TBC1D22A: variants seen among roughly 807,000 people sequenced by gnomAD.
TBC1D22A encodes TBC1 domain family member 22A.
Under a neutral mutation model 60.2 loss-of-function variants are expected in TBC1D22A, and 38 were observed. The ratio of observed to expected loss-of-function variants is 0.63; its 90% CI spans 0.49 to 0.83. The LOEUF is 0.83. TBC1D22A is among the 40% of genes least tolerant of loss of function. The probability of loss-of-function intolerance (pLI) is 0.00; values close to 1 mark genes in which losing one functional copy is unlikely to be tolerated. For missense variants in TBC1D22A, 628 were observed against 701.0 expected (o/e 0.90, Z 1.18); for synonymous variants, 302 against 281.7 (o/e 1.07, Z -0.72).
intron 11 of TBC1D22A, among the ~76,000 whole-genome samples, chr22:47,107,001 C>T (rs1436917208): frequency 6.6e-6 from 1 of 152,096 alleles, no homozygotes; most frequent in African/African-American, 2.4e-5. Context: ...GAGTACATAG[C>T]TAGGGAAGAT....
rs545426305 is a variant in TBC1D22A at position 46,965,306 on chromosome 22, G to T, written c.1016-8984G>T. On this transcript the variant is annotated intron_variant, in intron 8 of 12. Transcript: ENST00000337137. ...GCCATCTGACCTGTGGGGGCGGGGT[G>T]CCCCGCCCATTCTCATTTGTTACGG... Among the ~76,000 whole-genome samples the T allele has an allele frequency of 2.6e-5, 4 of 152,340 alleles. No individual in the cohort carries two copies. In the South Asian group the frequency reaches 8.3e-4, roughly 32 times the overall value.
At chr22:46,796,702 T>TG (rs1284216542) in intron 3 of TBC1D22A, among the ~76,000 whole-genome samples, 2 of 64,400 alleles carry the variant, frequency 3.1e-5, no homozygotes, top group African/African-American at 1.3e-4. Context: ...CTGTCCGTCT[T>TG]GGGGGTCAGT....
At chr22:47,102,695 C>G (rs1366154504) in intron 11 of TBC1D22A, among the ~76,000 whole-genome samples, 2 of 152,170 alleles carry the variant, frequency 1.3e-5, no homozygotes, top group South Asian at 2.1e-4. Flanking sequence ...AAGTTCTGCT[C>G]CCTGGTTGGA....
intron 1 of TBC1D22A, among the ~76,000 whole-genome samples, chr22:46,790,695 G>A (rs2084367760): frequency 6.6e-6 from 1 of 152,128 alleles, no homozygotes; most frequent in Non-Finnish European, 1.5e-5. Flanking sequence ...GAGGCACATA[G>A]CCGACACGGA....
chr22:46,846,673 C>T (rs776917124), intron 4 of TBC1D22A, among the ~76,000 whole-genome samples: 2 of 152,142 alleles, frequency 1.3e-5, no homozygotes, highest in Admixed American at 6.5e-5. Context: ...CCAGATTCGG[C>T]GGGTATCAAG....
intron 10 of TBC1D22A, among the ~76,000 whole-genome samples, chr22:47,033,246 A>G (rs1234405642): frequency 1.3e-5 from 2 of 152,178 alleles, no homozygotes; most frequent in African/African-American, 2.4e-5. Flanking sequence ...GCTTCGTAGA[A>G]CTTTCTATCA....
chr22:46,957,271 A>G (rs113772603), intron 8 of TBC1D22A, among the ~76,000 whole-genome samples: 30 of 152,336 alleles, frequency 2.0e-4, no homozygotes, highest in African/African-American at 6.5e-4. Flanking sequence ...GTCTGTTCCC[A>G]CACTCTGTAA....
chr22:46,843,429 C>T (rs535103175), intron 4 of TBC1D22A, among the ~76,000 whole-genome samples: 11 of 145,208 alleles, frequency 7.6e-5, no homozygotes, highest in Admixed American at 6.7e-5. Flanking sequence ...GATTGAGACT[C>T]GGCTTTATTC....
Position 46,807,800 on chromosome 22 carries a change from G to A in TBC1D22A, c.637+10180G>A, listed in dbSNP as rs138381036. ...TACTTTAATAGGACATGAAGAGTTC[G>A]GTTTTAGAAATTTTATACAGGGCCA... is the stretch of plus-strand genomic sequence containing the variant. On this transcript the variant is annotated intron_variant, in intron 4 of 12. Transcript: ENST00000337137. 5.3e-3 allele frequency among the ~76,000 whole-genome samples: 806 copies of A among 152,112 alleles called. 27 individuals are homozygous for A. Among genetic ancestry groups the A allele is most frequent in the East Asian group, 5.8e-3 (30 of 5,170 alleles).
chr22:46,944,897 A>G (rs558896348), intron 8 of TBC1D22A, among the ~76,000 whole-genome samples: 1 of 152,378 alleles, frequency 6.6e-6, no homozygotes, highest in African/African-American at 2.4e-5. Flanking sequence ...TTTAATTCAC[A>G]AAAGCTGAAA....
chr22:46,921,468 T>G (rs975624109), intron 8 of TBC1D22A, among the ~76,000 whole-genome samples: 2 of 152,236 alleles, frequency 1.3e-5, no homozygotes, highest in Non-Finnish European at 1.5e-5. Flanking sequence ...ATGTACCACA[T>G]TTTCTTTATC....
intron 8 of TBC1D22A, chr22:46,913,360 A>T: frequency 7.3e-7 from 1 of 1,366,540 alleles, no homozygotes; most frequent in Non-Finnish European, 9.8e-7. Context: ...TCGGCCTCAG[A>T]TTCCCATCCT....
chr22:46,828,511 C>T (rs1382843754), intron 4 of TBC1D22A, among the ~76,000 whole-genome samples: 1 of 152,268 alleles, frequency 6.6e-6, no homozygotes, highest in African/African-American at 2.4e-5. Context: ...CTCCCTGTCT[C>T]TGGCCTGGGC....
intron 10 of TBC1D22A, among the ~76,000 whole-genome samples, chr22:47,019,527 A>G (rs1486782167): frequency 6.6e-6 from 1 of 151,928 alleles, no homozygotes; most frequent in Non-Finnish European, 1.5e-5. Context: ...TGAGTCTCGT[A>G]TAGGTGTTTG....
chr22:46,934,835 C>G (rs1210747135), intron 8 of TBC1D22A, among the ~76,000 whole-genome samples: 1 of 152,222 alleles, frequency 6.6e-6, no homozygotes, highest in East Asian at 1.9e-4. Context: ...TCTGCCCACC[C>G]TTCGCCTGTC....
intron 12 of TBC1D22A, among the ~76,000 whole-genome samples, chr22:47,159,121 C>A (rs1051703840): frequency 6.6e-6 from 1 of 150,600 alleles, no homozygotes; most frequent in Non-Finnish European, 1.5e-5. Flanking sequence ...CATATATACA[C>A]ACACACACCA....
intron 4 of TBC1D22A, among the ~76,000 whole-genome samples, chr22:46,830,260 G>A (rs527252417): frequency 6.6e-6 from 1 of 152,198 alleles, no homozygotes; most frequent in Non-Finnish European, 1.5e-5. Flanking sequence ...TGGTTGCCAG[G>A]CCTGAGAGTG....
At chr22:47,061,325 C>T (rs2063569099) in intron 11 of TBC1D22A, among the ~76,000 whole-genome samples, 2 of 152,256 alleles carry the variant, frequency 1.3e-5, no homozygotes, top group African/African-American at 2.4e-5. Context: ...GGCTTGCTCT[C>T]CCAGAGATGC....
rs1569199421 is a variant in TBC1D22A at position 46,904,128 on chromosome 22, TA to T, written c.901-7945del. On this transcript the variant is annotated intron_variant, in intron 7 of 12. Coordinates refer to ENST00000337137, the MANE Select transcript of TBC1D22A (RefSeq NM_014346.5). ...CTATCTATCTATCTATCTATCTATC[TA>T]TCTATCTATCTATCTACCTACCTAC... Among the ~76,000 whole-genome samples the T allele has an allele frequency of 2.3e-4, 24 of 103,002 alleles. 1 individual carries two copies. Among genetic ancestry groups the T allele is most frequent in the East Asian group, 8.8e-4 (3 of 3,394 alleles). 67.6% of individuals were successfully genotyped at this position (103,002 alleles called of 152,430 possible). A position where few individuals can be genotyped will look rare whatever the true frequency, so the allele number is the denominator to read the frequency against.
Sources: allele counts gnomAD v4.1 joint callset (sites outside exome capture counted in the v4.1 genomes callset), GRCh38; gene constraint gnomAD v4.1.1; transcripts MANE v1.5; gene names NCBI Gene and HGNC (gene_info 2026-07-23, HGNC 2026-07-21).